TRAF7: variants seen among roughly 807,000 people sequenced by gnomAD.
TRAF7 encodes E3 ubiquitin-protein ligase TRAF7.
Under a neutral mutation model 89.3 loss-of-function variants are expected in TRAF7, and 45 were observed. That is an observed-to-expected ratio of 0.50 (90% CI 0.40 to 0.65). The LOEUF (loss-of-function observed/expected upper bound fraction) is 0.65, where lower values mean the gene tolerates loss of function less well. TRAF7 is among the 30% of genes least tolerant of loss of function. The pLI, the probability that TRAF7 is intolerant of heterozygous loss-of-function variation, is 0.00. For missense variants in TRAF7, 677 were observed against 918.1 expected (o/e 0.74, Z 3.39); for synonymous variants, 406 against 369.2 (o/e 1.10, Z -1.14).
At chr16:2,167,812 G>C (rs1024631839) in intron 3 of TRAF7, among the ~76,000 whole-genome samples, 1 of 152,108 alleles carries the variant, frequency 6.6e-6, no homozygotes, top group Non-Finnish European at 1.5e-5. Flanking sequence ...GGGTAGGCAG[G>C]GCTGGGGCAG....
chr16:2,162,469 G>A lies in TRAF7; in HGVS notation c.-38-1414G>A, dbSNP rs914226984. On this transcript the variant is annotated intron_variant, in intron 1 of 20. Transcript: ENST00000326181. The surrounding 1 kb of genome is among the most constrained non-coding windows in gnomAD (Gnocchi z 5.0). ...GGAGGGACTGATGGAGGAGGTACTG[G>A]AGCCAGCTGGGCTCAGTGATGCCCC... is the stretch of plus-strand genomic sequence containing the variant. 6.6e-6 allele frequency among the ~76,000 whole-genome samples: 1 copy of A among 152,132 alleles called. No individual in the cohort carries two copies. The highest frequency in any genetic ancestry group is 2.4e-5 in the African/African-American group (1 of 41,454).
chr16:2,169,285 G>C (rs1441325002), intron 4 of TRAF7, among the ~76,000 whole-genome samples: 1 of 152,186 alleles, frequency 6.6e-6, no homozygotes, highest in Non-Finnish European at 1.5e-5. Context: ...TGCTCAGCCA[G>C]AAAAGAAGTT....
chr16:2,167,739 C>A (rs373675990), intron 3 of TRAF7, among the ~76,000 whole-genome samples: 5 of 152,182 alleles, frequency 3.3e-5, no homozygotes, highest in African/African-American at 1.2e-4. Context: ...TGGCCATGAG[C>A]CTCAGCTGGC....
Position 2,161,333 on chromosome 16 carries a change from G to A in TRAF7, c.-38-2550G>A, listed in dbSNP as rs1026411762. On this transcript the variant is annotated intron_variant, in intron 1 of 20. Transcript: ENST00000326181. This position sits in a 1 kb window ranked among gnomAD's most constrained non-coding sequence, Gnocchi z 5.2. Reference sequence around the variant, plus strand: ...TCCTGTGGTGTTGTCCCCGTGGCCCGGCTGCTGTTGGCCAGCTGGGACTTT... The same window carrying A: ...TCCTGTGGTGTTGTCCCCGTGGCCCAGCTGCTGTTGGCCAGCTGGGACTTT... Among the ~76,000 whole-genome samples, 7 of 151,766 alleles carry A rather than the reference G, an allele frequency of 4.6e-5. No homozygotes were observed. Among genetic ancestry groups the A allele is most frequent in the Non-Finnish European group, 1.5e-5 (1 of 67,932 alleles).
chr16:2,172,637 G>C (rs1326669315), intron 9 of TRAF7, 38 bp downstream of exon 9: 8 of 1,528,250 alleles, frequency 5.2e-6, no homozygotes, highest in Middle Eastern at 2.3e-4. Context: ...CGGGGTGGGC[G>C]CAGGCCCTCC....
rs1305576051 is a variant in TRAF7, at chr16:2,177,952, C to T, written c.*1378C>T. 7 of 364,484 alleles carry T rather than the reference C, an allele frequency of 1.9e-5. No homozygotes were observed. The highest frequency in any genetic ancestry group is 3.6e-5 in the Non-Finnish European group (7 of 194,040). The allele number at this position is 364,484 out of a possible 1,614,324, so 22.6% of individuals were successfully genotyped here. ...AAGGACCGCAGGCAGACAGCCTGGG[C>T]CTCTAACAGCTTTTGTCCGGAGCTA... On this transcript the variant is annotated 3_prime_UTR_variant, in exon 21 of 21. Coordinates refer to ENST00000326181, the MANE Select transcript of TRAF7 (RefSeq NM_032271.3).
rs1281563551 is a variant in TRAF7, at chr16:2,178,070, G to A, written c.*1496G>A. The A allele has an allele frequency of 4.2e-6, 2 of 481,766 alleles. No homozygotes were observed. The highest frequency in any genetic ancestry group is 2.0e-5 in the African/African-American group (1 of 49,562). 29.8% of individuals were successfully genotyped at this position (481,766 alleles called of 1,614,324 possible). A position where few individuals can be genotyped will look rare whatever the true frequency, so the allele number is the denominator to read the frequency against. On this transcript the variant is annotated 3_prime_UTR_variant, in exon 21 of 21. Transcript: ENST00000326181. Reference sequence around the variant, plus strand: ...ATATTTGTTAAAGTTATACCTTTTTGTTTCTCTGGGGAAATCCGCCTCAGC... The same window carrying A: ...ATATTTGTTAAAGTTATACCTTTTTATTTCTCTGGGGAAATCCGCCTCAGC...
intron 2 of TRAF7, among the ~76,000 whole-genome samples, 180 bp downstream of exon 2, chr16:2,164,181 CACGCGT>C (rs1176527060): frequency 3.3e-5 from 4 of 122,738 alleles, no homozygotes; most frequent in Non-Finnish European, 6.8e-5. Flanking sequence ...CGCGCGCGCG[CACGCGT>C]GCGTGTGTGG....
rs1596681462 is a variant in TRAF7, at chr16:2,176,641, C to T, written c.*67C>T. Reference sequence around the variant, plus strand: ...GGACCTTTCTGAGCCAGGCTGGCCACATGGGGTGGTCTCGGGGTTTCTGCC... The same window carrying T: ...GGACCTTTCTGAGCCAGGCTGGCCATATGGGGTGGTCTCGGGGTTTCTGCC... On this transcript the variant is annotated 3_prime_UTR_variant, in exon 21 of 21. Transcript: ENST00000326181. The T allele has an allele frequency of 3.1e-6, 5 of 1,611,726 alleles. No homozygotes were observed. The highest frequency in any genetic ancestry group is 4.5e-5 in the East Asian group (2 of 44,854).
chr16:2,176,513 G>GGC (rs1282307691), intron 20 of TRAF7, 47 bp from the exon 21 acceptor site: 1 of 1,613,020 alleles, frequency 6.2e-7, no homozygotes, highest in Non-Finnish European at 8.5e-7. Context: ...GCTGGGGCAG[G>GGC]GCAGCCGGCC....
chr16:2,178,098 A>G lies in TRAF7; in HGVS notation c.*1524A>G, dbSNP rs527653004. 2.0e-6 allele frequency: 1 copy of G among 503,570 alleles called. No homozygotes were observed. The highest frequency in any genetic ancestry group is 3.8e-6 in the Non-Finnish European group (1 of 260,226). 31.2% of individuals were successfully genotyped at this position (503,570 alleles called of 1,614,324 possible). ...TCTCTGGGGAAATCCGCCTCAGCTCATTCCCAATAAATTAATACTCTTGAT... is the reference window on the plus strand; with the variant it reads ...TCTCTGGGGAAATCCGCCTCAGCTCGTTCCCAATAAATTAATACTCTTGAT... On this transcript the variant is annotated 3_prime_UTR_variant, in exon 21 of 21. Transcript: ENST00000326181.
chr16:2,173,564 C>CGGGGCTGGA lies in TRAF7; in HGVS notation c.1086+19_1086+27dup. The CGGGGCTGGA allele has an allele frequency of 6.2e-7, 1 of 1,612,094 alleles. No individual in the cohort carries two copies. Among genetic ancestry groups the CGGGGCTGGA allele is most frequent in the Non-Finnish European group, 8.5e-7 (1 of 1,179,060 alleles). On this transcript the variant is annotated intron_variant, in intron 11 of 20. Coordinates refer to ENST00000326181, the MANE Select transcript of TRAF7 (RefSeq NM_032271.3). The stretch of plus-strand genomic sequence containing the variant: ...CGCATCCATGTTAAATGTGAGCGGG[C>CGGGGCTGGA]GGGGCTGGAGGGGCTGGGTTGTGAG...
intron 7 of TRAF7, 48 bp downstream of exon 7, chr16:2,171,653 T>C: frequency 6.2e-7 from 1 of 1,612,630 alleles, no homozygotes; most frequent in Middle Eastern, 1.7e-4. Context: ...TGCCCATGGC[T>C]GCCGAGCAGA....
Position 2,163,606 on chromosome 16 carries a change from G to C in TRAF7, c.-38-277G>C, listed in dbSNP as rs1037205116. 5.0e-6 allele frequency: 2 copies of C among 402,354 alleles called. No homozygotes were observed. Among genetic ancestry groups the C allele is most frequent in the African/African-American group, 2.1e-5 (1 of 48,216 alleles). 24.9% of individuals were successfully genotyped at this position (402,354 alleles called of 1,614,324 possible). A position where few individuals can be genotyped will look rare whatever the true frequency, so the allele number is the denominator to read the frequency against. The stretch of plus-strand genomic sequence containing the variant: ...AGCCAGGCAGGGGTCCCTCCACCTC[G>C]GGGAAGAGCTGGATGGGCTCTTCGG... On this transcript the variant is annotated intron_variant, in intron 1 of 20. Coordinates refer to ENST00000326181, the MANE Select transcript of TRAF7 (RefSeq NM_032271.3). This position sits in a 1 kb window ranked among gnomAD's most constrained non-coding sequence, Gnocchi z 4.3.
rs544428296 is a variant in TRAF7, at chr16:2,172,471, C to T, written c.666C>T (p.His222=). The T allele has an allele frequency of 1.6e-5, 25 of 1,610,202 alleles. No homozygotes were observed. The highest frequency in any genetic ancestry group is 4.5e-5 in the East Asian group (2 of 44,800). Residue 222 remains histidine (H), a synonymous_variant, in exon 9 of 21, where the codon CAC becomes CAT. Coordinates refer to ENST00000326181, the MANE Select transcript of TRAF7 (RefSeq NM_032271.3). ...GCATCCCGCCCTGGCACAGGGACCA[C>T]GAGGGCAGCTGTGACTACAGGCCTG... ...FTIKLSARKD[H]EGSCDYRPVR...
rs2093066748 is a variant in TRAF7 at position 2,163,757 on chromosome 16, T to TG, written c.-38-124dup. The TG allele has an allele frequency of 1.5e-6, 1 of 651,116 alleles. No homozygotes were observed. The highest frequency in any genetic ancestry group is 2.7e-6 in the Non-Finnish European group (1 of 366,274). 40.3% of individuals were successfully genotyped at this position (651,116 alleles called of 1,614,324 possible). A position where few individuals can be genotyped will look rare whatever the true frequency, so the allele number is the denominator to read the frequency against. ...AGAGGCCTGCCTGAGCCGGGGCTGG[T>TG]GGTGGAAGGCTGCTGCGGCGGCCCC... On this transcript the variant is annotated intron_variant, in intron 1 of 20. Coordinates refer to ENST00000326181, the MANE Select transcript of TRAF7 (RefSeq NM_032271.3). This position sits in a 1 kb window ranked among gnomAD's most constrained non-coding sequence, Gnocchi z 4.3.
rs2093146879 is a variant in TRAF7 at position 2,177,861 on chromosome 16, C to G, written c.*1287C>G. The G allele has an allele frequency of 3.4e-6, 1 of 291,108 alleles. No homozygotes were observed. Among genetic ancestry groups the G allele is most frequent in the Non-Finnish European group, 6.6e-6 (1 of 152,020 alleles). 18.0% of individuals were successfully genotyped at this position (291,108 alleles called of 1,614,324 possible). A position where few individuals can be genotyped will look rare whatever the true frequency, so the allele number is the denominator to read the frequency against. On this transcript the variant is annotated 3_prime_UTR_variant, in exon 21 of 21. Transcript: ENST00000326181. Reference sequence around the variant, plus strand: ...AAGCACGGAGGAGCCCCCGGCAGAGCACCCGCCCCCGGGCCCCAGCCTTCC... The same window carrying G: ...AAGCACGGAGGAGCCCCCGGCAGAGGACCCGCCCCCGGGCCCCAGCCTTCC...
chr16:2,176,968 A>AGG lies in TRAF7; in HGVS notation c.*398_*399dup. 2.4e-6 allele frequency: 1 copy of AGG among 418,570 alleles called. No individual in the cohort carries two copies. The highest frequency in any genetic ancestry group is 4.5e-6 in the Non-Finnish European group (1 of 223,216). The allele number at this position is 418,570 out of a possible 1,614,324, so 25.9% of individuals were successfully genotyped here. A position where few individuals can be genotyped will look rare whatever the true frequency, so the allele number is the denominator to read the frequency against. ...TGAGTGGGGACAGCTCCTCGGGACA[A>AGG]GGGGGCTGTGTGTGGCCTTGAGGTT... On this transcript the variant is annotated 3_prime_UTR_variant, in exon 21 of 21. Coordinates refer to ENST00000326181, the MANE Select transcript of TRAF7 (RefSeq NM_032271.3).
chr16:2,157,100 C>T (rs893781270), intron 1 of TRAF7, among the ~76,000 whole-genome samples: 2 of 151,468 alleles, frequency 1.3e-5, no homozygotes, highest in Non-Finnish European at 2.9e-5. Context: ...CAGACCCCTT[C>T]CTGGGCACAC....
Sources: gnomAD v4.1 joint callset for allele counts (sites outside exome capture counted in the v4.1 genomes callset) on GRCh38, gnomAD v4.1.1 for gene constraint, Gnocchi (gnomAD v3.1) non-coding constraint, MANE v1.5 for transcripts, NCBI Gene and HGNC (gene_info 2026-07-23, HGNC 2026-07-21) for gene names.